The following NRG3 variants were observed in gnomAD, a reference collection of about 807,000 sequenced individuals.
NRG3 encodes pro-neuregulin-3, membrane-bound isoform.
In NRG3, 31 loss-of-function variants were observed where a neutral mutation model predicts 66.9. The observed-to-expected ratio is 0.46, with a 90% CI of 0.35 to 0.63. NRG3 has a LOEUF of 0.63. Among genes scored for constraint, NRG3 ranks in the 20% least tolerant of loss-of-function variants. The probability of loss-of-function intolerance (pLI) is 0.00; values close to 1 mark genes in which losing one functional copy is unlikely to be tolerated. For synonymous variants in NRG3, 393 were observed against 359.4 expected, an observed-to-expected ratio of 1.09 and a Z score of -1.06; for missense variants, 910 against 878.9, an observed-to-expected ratio of 1.04 and a Z score of -0.45.
At chr10:82,936,158 A>G (rs1848047204) in intron 4 of NRG3, among the ~76,000 whole-genome samples, 1 of 152,132 alleles carries the variant, frequency 6.6e-6, no homozygotes, top group African/African-American at 2.4e-5. Flanking sequence ...TTTAAAGTTT[A>G]TTGTAAAGGG....
rs78808773 is a variant in NRG3, at chr10:82,462,464, A to G, written c.953+103596A>G. Among the ~76,000 whole-genome samples the G allele has an allele frequency of 3.4e-4, 52 of 152,312 alleles. 1 individual carries two copies. In the East Asian group the frequency reaches 9.9e-3, roughly 29 times the overall value. ...CTGCAATAGATGTCATGGAGCCAATAAAGGACTTCAGGCAGGGAAATGTCC... is the reference window on the plus strand; with the variant it reads ...CTGCAATAGATGTCATGGAGCCAATGAAGGACTTCAGGCAGGGAAATGTCC... On this transcript the variant is annotated intron_variant, in intron 2 of 8. Transcript: ENST00000372141.
At chr10:82,117,686 G>A (rs1212375187) in intron 1 of NRG3, among the ~76,000 whole-genome samples, 3 of 152,014 alleles carry the variant, frequency 2.0e-5, no homozygotes, top group Non-Finnish European at 2.9e-5. Context: ...AGAGTGTCTT[G>A]TGCAACTTGG....
chr10:82,001,438 G>A (rs2061163043), intron 1 of NRG3, among the ~76,000 whole-genome samples: 1 of 152,080 alleles, frequency 6.6e-6, no homozygotes, highest in Non-Finnish European at 1.5e-5. Flanking sequence ...AGGAGGCAGA[G>A]GCTGCAGTGA....
intron 1 of NRG3, among the ~76,000 whole-genome samples, chr10:82,193,594 T>G (rs2074283462): frequency 6.6e-6 from 1 of 152,150 alleles, no homozygotes; most frequent in African/African-American, 2.4e-5. Context: ...CTGGTGGAGA[T>G]GAAAAGAAGT....
At chr10:82,857,534 T>C (rs1206315111) in intron 3 of NRG3, among the ~76,000 whole-genome samples, 1 of 152,090 alleles carries the variant, frequency 6.6e-6, no homozygotes, top group Non-Finnish European at 1.5e-5. Context: ...GAGATTGGGA[T>C]TACAGAACTG....
rs148577132 is a variant in NRG3, at chr10:82,576,730, C to T, written c.954-161847C>T. Reference sequence around the variant, plus strand: ...TACTGTAATTGCTGAAAATTCTAACCCCCAGGAAAGGGGACAAATTTCCTG... The same window carrying T: ...TACTGTAATTGCTGAAAATTCTAACTCCCAGGAAAGGGGACAAATTTCCTG... On this transcript the variant is annotated intron_variant, in intron 2 of 8. Coordinates refer to ENST00000372141, the MANE Select transcript of NRG3 (RefSeq NM_001010848.4). 1.2e-3 allele frequency among the ~76,000 whole-genome samples: 178 copies of T among 151,810 alleles called. 1 individual carries two copies. Among genetic ancestry groups the T allele is most frequent in the Admixed American group, 3.3e-3 (50 of 15,192 alleles).
rs572664620 is a variant in NRG3, at chr10:82,982,669, T to G, written c.1584-2429T>G. On this transcript the variant is annotated intron_variant, in intron 8 of 8. Transcript: ENST00000372141. Reference sequence around the variant, plus strand: ...TCCCTCTGAGCAATCAAGTTAGTGTTACTACCTGATTGTTTTAATTGATGG... The same window carrying G: ...TCCCTCTGAGCAATCAAGTTAGTGTGACTACCTGATTGTTTTAATTGATGG... 1.5e-4 allele frequency among the ~76,000 whole-genome samples: 23 copies of G among 152,286 alleles called. 1 individual carries two copies. Among genetic ancestry groups the G allele is most frequent in the African/African-American group, 5.5e-4 (23 of 41,548 alleles).
chr10:82,712,965 C>T (rs1279950507), intron 2 of NRG3, among the ~76,000 whole-genome samples: 9 of 151,672 alleles, frequency 5.9e-5, no homozygotes, highest in South Asian at 2.1e-4. Context: ...ACTAAAAATA[C>T]AAAAATTAGC....
At chr10:82,344,498 A>G (rs1211995048) in intron 1 of NRG3, among the ~76,000 whole-genome samples, 9 of 147,392 alleles carry the variant, frequency 6.1e-5, no homozygotes, top group African/African-American at 1.3e-4. Flanking sequence ...AGTCTTTGCT[A>G]TTGTGAATAA....
intron 1 of NRG3, chr10:82,232,784 A>G (rs889962650): frequency 2.8e-6 from 2 of 717,280 alleles, no homozygotes; most frequent in African/African-American, 3.5e-5. Flanking sequence ...AACATGGGGA[A>G]GACCAGAGTG....
chr10:82,860,615 G>A (rs1273817494), intron 3 of NRG3, among the ~76,000 whole-genome samples: 1 of 152,106 alleles, frequency 6.6e-6, no homozygotes, highest in Non-Finnish European at 1.5e-5. Flanking sequence ...GCAGTTCCTG[G>A]TACGCAGTAA....
chr10:82,646,841 T>C (rs932616293), intron 2 of NRG3, among the ~76,000 whole-genome samples: 1 of 152,156 alleles, frequency 6.6e-6, no homozygotes, highest in Non-Finnish European at 1.5e-5. Flanking sequence ...ATTTCTCCTA[T>C]CTTTCTGTCA....
chr10:81,960,258 TTTAA>T (rs1850225983), intron 1 of NRG3, among the ~76,000 whole-genome samples: 1 of 152,236 alleles, frequency 6.6e-6, no homozygotes, highest in Non-Finnish European at 1.5e-5. Context: ...CTTACTAAAA[TTTAA>T]TTTATTTATG....
chr10:82,488,525 G>C (rs967748388), intron 2 of NRG3, among the ~76,000 whole-genome samples: 7 of 152,302 alleles, frequency 4.6e-5, no homozygotes, highest in Non-Finnish European at 8.8e-5. Context: ...TAATTGCAAA[G>C]TATGCTAAGT....
chr10:82,968,775 C>A (rs1185912494), intron 6 of NRG3, among the ~76,000 whole-genome samples: 1 of 152,152 alleles, frequency 6.6e-6, no homozygotes, highest in Non-Finnish European at 1.5e-5. Context: ...TGTCCCCTGG[C>A]AGCCCGTATT....
At chr10:82,752,390 A>G (rs1292281785) in intron 3 of NRG3, among the ~76,000 whole-genome samples, 2 of 152,106 alleles carry the variant, frequency 1.3e-5, no homozygotes, top group South Asian at 2.1e-4. Context: ...GTATAAACGT[A>G]TAAGTAAAAT....
At chr10:82,013,633 T>G (rs1235437751) in intron 1 of NRG3, among the ~76,000 whole-genome samples, 1 of 152,172 alleles carries the variant, frequency 6.6e-6, no homozygotes, top group African/African-American at 2.4e-5. Flanking sequence ...TTTTTTCTTT[T>G]GCAAGGTCAG....
chr10:82,531,614 C>T (rs1847270664), intron 2 of NRG3, among the ~76,000 whole-genome samples: 1 of 151,728 alleles, frequency 6.6e-6, no homozygotes, highest in Non-Finnish European at 1.5e-5. Flanking sequence ...CAAAATATCC[C>T]AGTTTACACA....
At chr10:82,501,500 G>A (rs1050073915) in intron 2 of NRG3, among the ~76,000 whole-genome samples, 1 of 152,122 alleles carries the variant, frequency 6.6e-6, no homozygotes. Flanking sequence ...GGGCTTTCTG[G>A]TCTCTTATTT....
Sources: allele counts gnomAD v4.1 joint callset (sites outside exome capture counted in the v4.1 genomes callset), GRCh38; gene constraint gnomAD v4.1.1; transcripts MANE v1.5; gene names NCBI Gene and HGNC (gene_info 2026-07-23, HGNC 2026-07-21).